The following HACE1 variants were observed in gnomAD, a reference collection of about 807,000 sequenced individuals.
HACE1 encodes HECT domain and ankyrin repeat containing E3 ubiquitin protein ligase 1, also known as E3 ubiquitin-protein ligase HACE1.
A neutral mutation model predicts 118.4 loss-of-function variants in HACE1; 73 were observed. The observed-to-expected ratio is 0.62, with a 90% CI of 0.51 to 0.75. The LOEUF is 0.75. Ranked by LOEUF, HACE1 falls within the 30% of genes least tolerant of loss-of-function variation. The pLI is 0.00. For synonymous variants in HACE1, 368 were observed against 374.8 expected (o/e 0.98, Z 0.21); for missense variants, 749 against 1,102.2 (o/e 0.68, Z 4.54).
chr6:104,797,617 T>A (rs940487081), intron 7 of HACE1, among the ~76,000 whole-genome samples: 1 of 152,184 alleles, frequency 6.6e-6, no homozygotes, highest in African/African-American at 2.4e-5. Flanking sequence ...CTTCATTTTA[T>A]CAACCCACTC....
intron 10 of HACE1, among the ~76,000 whole-genome samples, chr6:104,792,770 A>AT (rs1411437884): frequency 1.3e-5 from 2 of 152,158 alleles, no homozygotes; most frequent in African/African-American, 2.4e-5. Flanking sequence ...CGACCCAGGC[A>AT]TAAGTATTTC....
At chr6:104,855,752 T>C (rs1427498974) in intron 1 of HACE1, among the ~76,000 whole-genome samples, 1 of 152,132 alleles carries the variant, frequency 6.6e-6, no homozygotes, top group African/African-American at 2.4e-5. Context: ...TTCTAAACCA[T>C]GAGAATTTCC....
At chr6:104,760,398 C>CA (rs1465174490) in intron 19 of HACE1, among the ~76,000 whole-genome samples, 1 of 152,082 alleles carries the variant, frequency 6.6e-6, no homozygotes, top group Non-Finnish European at 1.5e-5. Flanking sequence ...TCAACATACA[C>CA]AATCAATAAA....
chr6:104,731,471 T>A lies in HACE1; in HGVS notation c.2514-1055A>T, dbSNP rs114609754. 1.2e-3 allele frequency: 180 copies of A among 152,148 alleles called. 1 individual carries two copies. Among genetic ancestry groups the A allele is most frequent in the African/African-American group, 4.2e-3 (174 of 41,532 alleles). The allele number at this position is 152,148 out of a possible 1,614,324, so 9.4% of individuals were successfully genotyped here. ...CACATATCCTGATTTGAAAACTTAT[T>A]ACAAAGCTGTGGTAATCAAAACAGT... On this transcript the variant is annotated intron_variant, in intron 22 of 23. Transcript: ENST00000262903.
intron 11 of HACE1, chr6:104,785,528 ATAATT>A (rs1782291593): frequency 1.9e-6 from 1 of 534,434 alleles, no homozygotes; most frequent in Non-Finnish European, 3.3e-6. Flanking sequence ...ATTTATGGCA[ATAATT>A]TAATTTGTAT....
chr6:104,777,942 T>C (rs1781381012), intron 14 of HACE1, among the ~76,000 whole-genome samples: 1 of 152,080 alleles, frequency 6.6e-6, no homozygotes, highest in Non-Finnish European at 1.5e-5. Context: ...GTATTTTTAG[T>C]AGAGAGAGGT....
chr6:104,730,519 A>G, intron 22 of HACE1, 103 bp from the exon 23 acceptor site: 1 of 705,316 alleles, frequency 1.4e-6, no homozygotes, highest in Non-Finnish European at 2.6e-6. Flanking sequence ...CAACTCTAGG[A>G]CAATGACAAC....
intron 17 of HACE1, among the ~76,000 whole-genome samples, chr6:104,773,166 CT>C (rs1272689349): frequency 6.6e-6 from 1 of 152,164 alleles, no homozygotes; most frequent in Non-Finnish European, 1.5e-5. Context: ...TACAAATTTA[CT>C]CATCCATTCA....
chr6:104,779,911 A>G (rs12215358), intron 14 of HACE1, among the ~76,000 whole-genome samples: 16,692 of 151,988 alleles, frequency 0.11, 960 homozygotes, highest in East Asian at 0.15. Context: ...AAGCACCTAT[A>G]AGCCAGGTAC....
chr6:104,730,663 C>T, intron 22 of HACE1: 1 of 465,938 alleles, frequency 2.1e-6, no homozygotes, highest in South Asian at 2.1e-5. Flanking sequence ...ACAGCACATA[C>T]CTCAATATTG....
At chr6:104,761,427 G>A (rs989077379) in intron 19 of HACE1, among the ~76,000 whole-genome samples, 7 of 152,252 alleles carry the variant, frequency 4.6e-5, no homozygotes, top group South Asian at 2.1e-4. Flanking sequence ...TGACAAATCC[G>A]ACACACATAA....
intron 19 of HACE1, among the ~76,000 whole-genome samples, chr6:104,758,764 A>T (rs962101435): frequency 6.6e-6 from 1 of 152,134 alleles, no homozygotes; most frequent in Non-Finnish European, 1.5e-5. Flanking sequence ...CAAATTGGAT[A>T]GAGTCAAGAC....
chr6:104,842,929 T>A (rs1775258246), intron 5 of HACE1, among the ~76,000 whole-genome samples: 1 of 152,130 alleles, frequency 6.6e-6, no homozygotes, highest in African/African-American at 2.4e-5. Flanking sequence ...CTGGCCAACA[T>A]GGTGAAACCC....
chr6:104,730,460 T>TA (rs779403594), intron 22 of HACE1, 44 bp from the exon 23 acceptor site: 4 of 936,208 alleles, frequency 4.3e-6, no homozygotes, highest in Non-Finnish European at 7.1e-6. Context: ...GAAAGAAAGA[T>TA]ATTTGTGACA....
chr6:104,730,494 G>A (rs924459546), intron 22 of HACE1, 78 bp from the exon 23 acceptor site: 1 of 785,030 alleles, frequency 1.3e-6, no homozygotes, highest in Non-Finnish European at 2.3e-6. Context: ...TTCTAAGTTA[G>A]GGTAGGAATA....
At chr6:104,768,802 T>C (rs915151735) in intron 19 of HACE1, among the ~76,000 whole-genome samples, 5 of 152,140 alleles carry the variant, frequency 3.3e-5, no homozygotes, top group African/African-American at 1.2e-4. Context: ...TCTTTAATAT[T>C]AAAATAGTAT....
At chr6:104,859,424 C>T (rs765296661) in intron 1 of HACE1, 143 bp downstream of exon 1, 1 of 672,534 alleles carries the variant, frequency 1.5e-6, no homozygotes, top group Non-Finnish European at 2.4e-6. Context: ...GGGCCCGGGG[C>T]CGCCTCTCAG....
chr6:104,729,117 T>C lies in HACE1; in HGVS notation c.*545A>G, dbSNP rs1194134546. ...AGTATCATCAGTCTAAATTTTACAA[T>C]ATATATTAAAATATTAAAATGCTAA... On this transcript the variant is annotated 3_prime_UTR_variant, in exon 24 of 24. Transcript: ENST00000262903. 6.5e-6 allele frequency: 1 copy of C among 152,844 alleles called. No individual in the cohort carries two copies. The highest frequency in any genetic ancestry group is 2.4e-5 in the African/African-American group (1 of 41,438). 9.5% of individuals were successfully genotyped at this position (152,844 alleles called of 1,614,324 possible).
chr6:104,840,146 C>G (rs193040338), intron 5 of HACE1, among the ~76,000 whole-genome samples: 5 of 152,150 alleles, frequency 3.3e-5, no homozygotes, highest in African/African-American at 9.6e-5. Context: ...CAGGGCAACT[C>G]TCTCTCTCTA....
Sources: allele counts gnomAD v4.1 joint callset (sites outside exome capture counted in the v4.1 genomes callset), GRCh38; gene constraint gnomAD v4.1.1; transcripts MANE v1.5; gene names NCBI Gene and HGNC (gene_info 2026-07-23, HGNC 2026-07-21).